Variants in FHIT observed in about 807,000 individuals in gnomAD.
FHIT encodes the protein fragile histidine triad diadenosine triphosphatase.
FHIT carries 19 observed loss-of-function variants against 17.9 expected under a neutral mutation model. That is an observed-to-expected ratio of 1.06 (90% CI 0.74 to 1.56). FHIT has a LOEUF of 1.56. FHIT is among the 40% of genes most tolerant of loss of function. FHIT has a pLI of 0.00. For synonymous variants in FHIT, 81 were observed against 69.7 expected (o/e 1.16, Z -0.81); for missense variants, 248 against 189.2 (o/e 1.31, Z -1.82).
At chr3:61,013,986 AAACCAGTTATTTG>A (rs903646620) in intron 3 of FHIT, among the ~76,000 whole-genome samples, 3 of 152,286 alleles carry the variant, frequency 2.0e-5, no homozygotes, top group Admixed American at 2.0e-4. Flanking sequence ...AAGTTGATTT[AAACCAGTTATTTG>A]AGGAGGGGCA....
At position 59,881,829 on chromosome 3, in the gene FHIT, A is replaced by G. The variant is rs1030697959; in HGVS notation, c.348+40517T>C. Among the ~76,000 whole-genome samples, 5 of 152,334 alleles carry G rather than the reference A, an allele frequency of 3.3e-5. No homozygotes were observed. In the South Asian group the frequency reaches 1.0e-3, roughly 32 times the overall value. On this transcript the variant is annotated intron_variant, in intron 8 of 9. Coordinates refer to ENST00000492590, the MANE Select transcript of FHIT (RefSeq NM_002012.4). ...ATATATGGTGTAACTCATTAATTAA[A>G]TGCAAATTGAAATAAGATAAACCTG...
At chr3:60,458,035 G>A (rs1296741781) in intron 5 of FHIT, among the ~76,000 whole-genome samples, 1 of 152,118 alleles carries the variant, frequency 6.6e-6, no homozygotes, top group African/African-American at 2.4e-5. Flanking sequence ...CGGTTCCTCA[G>A]GGATCCAGAA....
intron 5 of FHIT, among the ~76,000 whole-genome samples, chr3:60,162,428 A>T (rs17062390): frequency 0.045 from 6,840 of 152,252 alleles, 215 homozygotes; most frequent in Middle Eastern, 0.13. Flanking sequence ...TTTCTGGATT[A>T]CTTTATTGAC....
At chr3:60,956,682 G>T (rs1709178600) in intron 3 of FHIT, among the ~76,000 whole-genome samples, 1 of 152,146 alleles carries the variant, frequency 6.6e-6, no homozygotes, top group Non-Finnish European at 1.5e-5. Context: ...AACTACAGGG[G>T]CCAGGCAGGT....
chr3:60,862,119 T>G (rs1344344546), intron 3 of FHIT, among the ~76,000 whole-genome samples: 2 of 152,148 alleles, frequency 1.3e-5, no homozygotes, highest in Non-Finnish European at 2.9e-5. Context: ...ATAAAACAGA[T>G]ATAATCCCTG....
At chr3:60,922,413 C>T (rs1285439881) in intron 3 of FHIT, among the ~76,000 whole-genome samples, 1 of 152,140 alleles carries the variant, frequency 6.6e-6, no homozygotes, top group Non-Finnish European at 1.5e-5. Flanking sequence ...CAGATGGGGA[C>T]CCATTATCTT....
chr3:60,819,675 T>C (rs79686656), intron 4 of FHIT, among the ~76,000 whole-genome samples: 2,338 of 152,290 alleles, frequency 0.015, 66 homozygotes, highest in African/African-American at 0.053. Flanking sequence ...ACATTAATTG[T>C]CAGTTAATCC....
chr3:60,428,620 A>C (rs1399524977), intron 5 of FHIT, among the ~76,000 whole-genome samples: 2 of 152,174 alleles, frequency 1.3e-5, no homozygotes, highest in South Asian at 2.1e-4. Context: ...GTTAAAATGG[A>C]AACTTGACAG....
intron 5 of FHIT, among the ~76,000 whole-genome samples, chr3:60,407,933 A>G (rs137964696): frequency 9.0e-4 from 137 of 152,284 alleles, no homozygotes; most frequent in Middle Eastern, 6.8e-3. Context: ...GTATCACACA[A>G]CCATTACTGG....
chr3:60,013,636 G>A (rs1700224457), intron 6 of FHIT, among the ~76,000 whole-genome samples: 1 of 152,170 alleles, frequency 6.6e-6, no homozygotes, highest in Non-Finnish European at 1.5e-5. Flanking sequence ...GCATATCACT[G>A]CCACCCTGGA....
At chr3:61,001,551 CT>C (rs1263640141) in intron 3 of FHIT, among the ~76,000 whole-genome samples, 1 of 152,172 alleles carries the variant, frequency 6.6e-6, no homozygotes, top group Non-Finnish European at 1.5e-5. Flanking sequence ...TAAAGCCAAT[CT>C]CAAGAAGATA....
chr3:61,134,132 A>ACACACAC (rs1455630506), intron 2 of FHIT, among the ~76,000 whole-genome samples: 1 of 37,244 alleles, frequency 2.7e-5, no homozygotes, highest in African/African-American at 1.2e-4. Context: ...CACACACACA[A>ACACACAC]AGAGGTCAAG....
chr3:60,482,189 A>G (rs1043980698), intron 5 of FHIT, among the ~76,000 whole-genome samples: 5 of 152,242 alleles, frequency 3.3e-5, no homozygotes, highest in African/African-American at 1.2e-4. Flanking sequence ...GTTCTTACAG[A>G]CCTACAAAGA....
intron 7 of FHIT, among the ~76,000 whole-genome samples, chr3:59,930,863 G>A (rs1705936544): frequency 6.6e-6 from 1 of 152,050 alleles, no homozygotes; most frequent in Non-Finnish European, 1.5e-5. Flanking sequence ...GTGTTCCAGT[G>A]CTTTCTACCT....
intron 5 of FHIT, among the ~76,000 whole-genome samples, chr3:60,439,129 G>C (rs1052224305): frequency 1.3e-5 from 2 of 152,068 alleles, no homozygotes; most frequent in Non-Finnish European, 2.9e-5. Flanking sequence ...GCCTTAGACT[G>C]CTTTGCAGGC....
At chr3:60,127,831 A>T (rs963899444) in intron 5 of FHIT, among the ~76,000 whole-genome samples, 5 of 152,070 alleles carry the variant, frequency 3.3e-5, no homozygotes, top group African/African-American at 1.2e-4. Context: ...AGGCCTTACT[A>T]TGTTGCCCAG....
chr3:61,227,942 G>A (rs1419160243), intron 1 of FHIT, among the ~76,000 whole-genome samples: 1 of 152,106 alleles, frequency 6.6e-6, no homozygotes, highest in African/African-American at 2.4e-5. Context: ...ACTAAGTAGA[G>A]CTACTAATAT....
chr3:60,426,938 G>A (rs2107282063), intron 5 of FHIT, among the ~76,000 whole-genome samples: 1 of 152,138 alleles, frequency 6.6e-6, no homozygotes, highest in African/African-American at 2.4e-5. Flanking sequence ...CAACACTTGG[G>A]TAAGACGGAG....
At chr3:61,059,443 C>G (rs1333054816) in intron 2 of FHIT, among the ~76,000 whole-genome samples, 2 of 128,686 alleles carry the variant, frequency 1.6e-5, no homozygotes, top group Non-Finnish European at 3.1e-5. Flanking sequence ...TGAAGAAAAT[C>G]TGTTAATTTG....
Sources: gnomAD v4.1 joint callset for allele counts (sites outside exome capture counted in the v4.1 genomes callset) on GRCh38, gnomAD v4.1.1 for gene constraint, MANE v1.5 for transcripts, NCBI Gene and HGNC (gene_info 2026-07-23, HGNC 2026-07-21) for gene names.